AK2: variants seen among roughly 807,000 people sequenced by gnomAD.
AK2 encodes adenylate kinase 2, mitochondrial.
In AK2, 15 loss-of-function variants were observed where a neutral mutation model predicts 24.6. The ratio of observed to expected loss-of-function variants is 0.61; its 90% CI spans 0.41 to 0.94. AK2 has a LOEUF of 0.94. AK2 is among the 40% of genes least tolerant of loss of function. The probability of loss-of-function intolerance (pLI) is 0.00; values close to 1 mark genes in which losing one functional copy is unlikely to be tolerated. For missense variants in AK2, 257 were observed against 304.1 expected (o/e 0.85, Z 1.15); for synonymous variants, 102 against 114.0 (o/e 0.90, Z 0.67).
chr1:33,008,975 C>A lies in AK2; in HGVS notation c.*4206G>T, dbSNP rs1450153748. 2 of 453,848 alleles carry A rather than the reference C, an allele frequency of 4.4e-6. No homozygotes were observed. The highest frequency in any genetic ancestry group is 8.8e-6 in the Non-Finnish European group (2 of 226,780). 28.1% of individuals were successfully genotyped at this position (453,848 alleles called of 1,614,324 possible). A position where few individuals can be genotyped will look rare whatever the true frequency, so the allele number is the denominator to read the frequency against. On this transcript the variant is annotated 3_prime_UTR_variant, in exon 6 of 6. Coordinates refer to ENST00000672715, the MANE Select transcript of AK2 (RefSeq NM_001625.4). ...TCCCCACAATTAGATGCATGATGAC[C>A]AAGGGAGGAAAGAAAATTTTCACAG...
rs76593655 is a variant in AK2, at chr1:33,020,194, C to T, written c.425+1173G>A. 2.4e-4 allele frequency: 107 copies of T among 451,268 alleles called. 2 individuals are homozygous for T. The African/African-American group carries it at 2.4e-3, about 10-fold the overall frequency. The allele number at this position is 451,268 out of a possible 1,614,324, so 28.0% of individuals were successfully genotyped here. A position where few individuals can be genotyped will look rare whatever the true frequency, so the allele number is the denominator to read the frequency against. ...AGAGAAACAAACATGTTAAAACACA[C>T]ACACACACACACACACACACACACA... On this transcript the variant is annotated intron_variant, in intron 4 of 5. Coordinates refer to ENST00000672715, the MANE Select transcript of AK2 (RefSeq NM_001625.4).
In AK2 at chr1:33,008,216, C is replaced by CT. The variant is rs1057484673; in HGVS notation, c.*4964dup. ...CCAACCCACATGAGTATCTTGGTCA[C>CT]TAGTGTCATCAGCACCTTTGAGGGG... is the stretch of plus-strand genomic sequence containing the variant. On this transcript the variant is annotated 3_prime_UTR_variant, in exon 6 of 6. Coordinates refer to ENST00000672715, the MANE Select transcript of AK2 (RefSeq NM_001625.4). 1.1e-5 allele frequency: 5 copies of CT among 454,156 alleles called. No homozygotes were observed. Among genetic ancestry groups the CT allele is most frequent in the African/African-American group, 1.0e-4 (5 of 49,994 alleles). The allele number at this position is 454,156 out of a possible 1,614,324, so 28.1% of individuals were successfully genotyped here. A position where few individuals can be genotyped will look rare whatever the true frequency, so the allele number is the denominator to read the frequency against.
intron 2 of AK2, among the ~76,000 whole-genome samples, chr1:33,023,151 A>G (rs1639657856): frequency 1.3e-5 from 2 of 152,206 alleles, no homozygotes; most frequent in African/African-American, 4.8e-5. Context: ...TGACTTCTGA[A>G]GGTGATTCTC....
chr1:33,015,743 T>C (rs1029227527), intron 4 of AK2, among the ~76,000 whole-genome samples: 6 of 151,954 alleles, frequency 3.9e-5, no homozygotes, highest in African/African-American at 1.4e-4. Flanking sequence ...ATATGAAAAA[T>C]TTAGCTGGGT....
At position 33,010,239 on chromosome 1, in the gene AK2, C is replaced by T. The variant is rs1424526299; in HGVS notation, c.*2942G>A. 2.2e-6 allele frequency: 1 copy of T among 454,530 alleles called. No homozygotes were observed. The highest frequency in any genetic ancestry group is 2.3e-5 in the Admixed American group (1 of 42,578). 28.2% of individuals were successfully genotyped at this position (454,530 alleles called of 1,614,324 possible). ...GGTAAGTCAGGGGAAGGGAATCAGC[C>T]TCCCTTTCCATTTCATTCCCTTCCC... On this transcript the variant is annotated 3_prime_UTR_variant, in exon 6 of 6. Coordinates refer to ENST00000672715, the MANE Select transcript of AK2 (RefSeq NM_001625.4).
At chr1:33,013,567 C>G (rs111904804) in intron 5 of AK2, among the ~76,000 whole-genome samples, 165 bp from the exon 6 acceptor site, 146 of 152,308 alleles carry the variant, frequency 9.6e-4, no homozygotes, top group African/African-American at 3.2e-3. Context: ...CAGTGAAGAA[C>G]TTTGCTACTC....
In AK2 at chr1:33,013,085, A is replaced by AT; in HGVS notation, c.*95dup. The AT allele has an allele frequency of 1.9e-6, 3 of 1,610,170 alleles. 1 individual carries two copies. The South Asian group carries it at 3.3e-5, about 18-fold the overall frequency. ...TTTTTTAATCAATACATCAAATGAT[A>AT]TTTTTGCTAGCCTGAGGAAGCTTCT... On this transcript the variant is annotated 3_prime_UTR_variant, in exon 6 of 6. Coordinates refer to ENST00000672715, the MANE Select transcript of AK2 (RefSeq NM_001625.4).
At chr1:33,026,057 A>G (rs1420740348) in intron 1 of AK2, among the ~76,000 whole-genome samples, 2 of 152,224 alleles carry the variant, frequency 1.3e-5, no homozygotes, top group Non-Finnish European at 2.9e-5. Context: ...TTGCAGTGGG[A>G]AAAAAAGAAT....
chr1:33,014,684 T>C (rs1420416946), intron 4 of AK2, 90 bp from the exon 5 acceptor site: 7 of 1,144,174 alleles, frequency 6.1e-6, no homozygotes, highest in African/African-American at 3.1e-5. Flanking sequence ...CAAGCAGAGA[T>C]AGGGACGCTG....
Position 33,009,385 on chromosome 1 carries a change from T to C in AK2, c.*3796A>G, listed in dbSNP as rs116880635. ...AGTGTTAAAGAAGCAACTGAAAAGG[T>C]AGTCAAAGATCTGGCTTAAGGATTA... On this transcript the variant is annotated 3_prime_UTR_variant, in exon 6 of 6. Transcript: ENST00000672715. 3.2e-4 allele frequency: 145 copies of C among 453,862 alleles called. 2 individuals are homozygous for C. In the East Asian group the frequency reaches 6.2e-3, roughly 19 times the overall value. 28.1% of individuals were successfully genotyped at this position (453,862 alleles called of 1,614,324 possible). A position where few individuals can be genotyped will look rare whatever the true frequency, so the allele number is the denominator to read the frequency against.
chr1:33,027,159 T>C (rs10798924), intron 1 of AK2, among the ~76,000 whole-genome samples: 41,344 of 152,008 alleles, frequency 0.27, 5,857 homozygotes, highest in Admixed American at 0.38. Context: ...CTTTGCAAAA[T>C]CAGTGAATGT....
At chr1:33,013,956 TGAA>T (rs1639014020) in intron 5 of AK2, among the ~76,000 whole-genome samples, 1 of 152,178 alleles carries the variant, frequency 6.6e-6, no homozygotes, top group East Asian at 1.9e-4. Context: ...TTATAGAACC[TGAA>T]TGACCTGATG....
intron 4 of AK2, chr1:33,019,983 C>T: frequency 6.9e-7 from 1 of 1,452,504 alleles, no homozygotes; most frequent in African/African-American, 1.4e-5. Flanking sequence ...AAGCTACAGC[C>T]CACAATAAAG....
intron 1 of AK2, among the ~76,000 whole-genome samples, chr1:33,027,205 G>T (rs1325868916): frequency 4.6e-5 from 7 of 152,236 alleles, no homozygotes; most frequent in Admixed American, 4.6e-4. Flanking sequence ...GGCTGGCACT[G>T]TGGCCGTACA....
In AK2 at chr1:33,010,209, T is replaced by A. The variant is rs1287877196; in HGVS notation, c.*2972A>T. ...TCATGAAAGTAGGTAGCCTAGTAAA[T>A]TAGTGGTAAGTCAGGGGAAGGGAAT... On this transcript the variant is annotated 3_prime_UTR_variant, in exon 6 of 6. Transcript: ENST00000672715. 1 of 454,252 alleles carries A rather than the reference T, an allele frequency of 2.2e-6. No homozygotes were observed. The highest frequency in any genetic ancestry group is 4.4e-6 in the Non-Finnish European group (1 of 226,896). The allele number at this position is 454,252 out of a possible 1,614,324, so 28.1% of individuals were successfully genotyped here.
chr1:33,024,644 G>A lies in AK2; in HGVS notation c.94-77C>T. 6 of 1,586,486 alleles carry A rather than the reference G, an allele frequency of 3.8e-6. No individual in the cohort carries two copies. The South Asian group carries it at 5.6e-5, about 15-fold the overall frequency. ...GTCAGACTGCCTAGGTGTGAACCTG[G>A]CCCTGCCACTTACTGGCTATGTAAA... On this transcript the variant is annotated intron_variant, in intron 1 of 5. Transcript: ENST00000672715.
chr1:33,019,605 C>T (rs1639405285), intron 4 of AK2: 1 of 986,076 alleles, frequency 1.0e-6, no homozygotes. Flanking sequence ...TTTCATATCG[C>T]TTTCCAGGAT....
chr1:33,020,662 T>C (rs777411664), intron 4 of AK2, among the ~76,000 whole-genome samples: 3 of 151,446 alleles, frequency 2.0e-5, no homozygotes, highest in Non-Finnish European at 2.9e-5. Flanking sequence ...ATGGCCAACA[T>C]GGTGAAGACC....
intron 1 of AK2, among the ~76,000 whole-genome samples, chr1:33,032,659 T>C (rs1569741087): frequency 2.0e-5 from 3 of 152,194 alleles, no homozygotes; most frequent in African/African-American, 7.2e-5. Flanking sequence ...GACAAGGAAA[T>C]ACCATGTGCC....
Sources: gnomAD v4.1 joint callset for allele counts (sites outside exome capture counted in the v4.1 genomes callset) on GRCh38, gnomAD v4.1.1 for gene constraint, MANE v1.5 for transcripts, NCBI Gene and HGNC (gene_info 2026-07-23, HGNC 2026-07-21) for gene names.